The following MGAT4C variants were observed in gnomAD, a reference collection of about 807,000 sequenced individuals.
MGAT4C encodes alpha-1,3-mannosyl-glycoprotein 4-beta-N-acetylglucosaminyltransferase C.
In MGAT4C, 19 loss-of-function variants were observed where a neutral mutation model predicts 40.1. The observed-to-expected ratio is 0.47, with a 90% CI of 0.33 to 0.70. The LOEUF is 0.70. Ranked by LOEUF, MGAT4C falls within the 30% of genes least tolerant of loss-of-function variation. The pLI is 0.02. For synonymous variants in MGAT4C, 181 were observed against 187.1 expected (o/e 0.97, Z 0.27); for missense variants, 491 against 563.2 (o/e 0.87, Z 1.30).
intron 1 of MGAT4C, among the ~76,000 whole-genome samples, chr12:86,127,184 C>CA (rs1880424070): frequency 6.6e-6 from 1 of 152,158 alleles, no homozygotes; most frequent in Admixed American, 6.5e-5. Flanking sequence ...TAGCCCACTA[C>CA]ATACCTAGGC....
At chr12:86,242,222 G>C (rs1354827052) in intron 1 of MGAT4C, among the ~76,000 whole-genome samples, 1 of 152,142 alleles carries the variant, frequency 6.6e-6, no homozygotes, top group Non-Finnish European at 1.5e-5. Context: ...TGATTATAGA[G>C]CTGCACCCAT....
At chr12:86,690,230 G>A (rs1265484485) in intron 2 of MGAT4C, among the ~76,000 whole-genome samples, 1 of 152,202 alleles carries the variant, frequency 6.6e-6, no homozygotes, top group Admixed American at 6.5e-5. Flanking sequence ...TTTCAAGCCA[G>A]TAGATCTTAG....
At chr12:86,163,441 C>T (rs1053324095) in intron 1 of MGAT4C, among the ~76,000 whole-genome samples, 1 of 152,146 alleles carries the variant, frequency 6.6e-6, no homozygotes, top group Non-Finnish European at 1.5e-5. Flanking sequence ...ATGTTCCCAC[C>T]TCAGCCTCCA....
chr12:86,130,211 C>T (rs1386238418), intron 1 of MGAT4C, among the ~76,000 whole-genome samples: 1 of 151,960 alleles, frequency 6.6e-6, no homozygotes, highest in Non-Finnish European at 1.5e-5. Context: ...TAAATTTAGT[C>T]TTATAAAAGA....
chr12:86,783,724 C>G (rs1209357347), intron 1 of MGAT4C, among the ~76,000 whole-genome samples: 1 of 151,996 alleles, frequency 6.6e-6, no homozygotes, highest in Non-Finnish European at 1.5e-5. Context: ...ATAATAGGAC[C>G]AAATTTCATA....
At chr12:86,546,981 T>G (rs1400605833) in intron 2 of MGAT4C, among the ~76,000 whole-genome samples, 1 of 151,870 alleles carries the variant, frequency 6.6e-6, no homozygotes, top group Non-Finnish European at 1.5e-5. Flanking sequence ...TTTTAATAAA[T>G]AAAAAGAATT....
chr12:86,555,846 C>A (rs914321379), intron 2 of MGAT4C, among the ~76,000 whole-genome samples: 1 of 152,152 alleles, frequency 6.6e-6, no homozygotes, highest in African/African-American at 2.4e-5. Flanking sequence ...GCCCCCTGGA[C>A]CTGCTTTTCT....
At chr12:86,654,574 T>C (rs1324123645) in intron 2 of MGAT4C, among the ~76,000 whole-genome samples, 1 of 152,002 alleles carries the variant, frequency 6.6e-6, no homozygotes, top group Non-Finnish European at 1.5e-5. Context: ...CAAGTTAGTG[T>C]GTTTAATATC....
intron 1 of MGAT4C, among the ~76,000 whole-genome samples, chr12:86,773,322 G>A (rs749428176): frequency 5.9e-5 from 9 of 152,230 alleles, no homozygotes; most frequent in Non-Finnish European, 1.2e-4. Context: ...AACACAGGGA[G>A]AAGATAGCCA....
At chr12:86,586,891 A>G (rs1411864803) in intron 2 of MGAT4C, among the ~76,000 whole-genome samples, 2 of 151,812 alleles carry the variant, frequency 1.3e-5, no homozygotes, top group African/African-American at 4.8e-5. Flanking sequence ...ATTTTCTCCC[A>G]TTTTGTGGGT....
At chr12:86,616,622 A>G (rs1962458035) in intron 2 of MGAT4C, among the ~76,000 whole-genome samples, 1 of 152,146 alleles carries the variant, frequency 6.6e-6, no homozygotes, top group African/African-American at 2.4e-5. Context: ...TCAACATTTT[A>G]CACAGTACAT....
chr12:86,767,244 C>A lies in MGAT4C; in HGVS notation c.-261-40003G>T, dbSNP rs539466900. Among the ~76,000 whole-genome samples the A allele has an allele frequency of 5.4e-3, 825 of 152,300 alleles. 3 individuals carry two copies. The highest frequency in any genetic ancestry group is 8.7e-3 in the Non-Finnish European group (590 of 68,018). On this transcript the variant is annotated intron_variant, in intron 1 of 7. Coordinates refer to the MGAT4C transcript ENST00000548651. ...AGAGAATACTACAAACACCTCTACA[C>A]AAATAAACTAGAAAATCTAGAAGAA...
rs1289930217 is a variant in MGAT4C, at chr12:85,960,879, AT to A, written c.*18409del. ...ATACTGAGCCTGTAAATATTTATTTATATGATGTTTGGCACTTTATTTTATA... is the reference window on the plus strand; with the variant it reads ...ATACTGAGCCTGTAAATATTTATTTAATGATGTTTGGCACTTTATTTTATA... On this transcript the variant is annotated 3_prime_UTR_variant, in exon 5 of 5. Transcript: ENST00000611864. 3 of 151,984 alleles carry A rather than the reference AT, an allele frequency of 2.0e-5. No individual in the cohort carries two copies. Among genetic ancestry groups the A allele is most frequent in the Non-Finnish European group, 4.4e-5 (3 of 67,860 alleles). 9.4% of individuals were successfully genotyped at this position (151,984 alleles called of 1,614,324 possible).
chr12:86,438,926 G>T (rs1313617699), intron 2 of MGAT4C, among the ~76,000 whole-genome samples: 1 of 151,750 alleles, frequency 6.6e-6, no homozygotes, highest in Non-Finnish European at 1.5e-5. Context: ...CCAACAAAAA[G>T]ATGTTATAAG....
At chr12:86,343,593 T>TA (rs1259020304) in intron 3 of MGAT4C, among the ~76,000 whole-genome samples, 1 of 152,138 alleles carries the variant, frequency 6.6e-6, no homozygotes, top group East Asian at 1.9e-4. Context: ...TTCAAAACAT[T>TA]AAAAAATTGA....
At chr12:86,402,341 C>G (rs1471221437) in intron 3 of MGAT4C, among the ~76,000 whole-genome samples, 1 of 152,106 alleles carries the variant, frequency 6.6e-6, no homozygotes, top group Non-Finnish European at 1.5e-5. Context: ...AGGATAATTA[C>G]TTGAACCCAG....
chr12:86,199,130 C>T (rs943690100), intron 1 of MGAT4C, among the ~76,000 whole-genome samples: 2 of 152,140 alleles, frequency 1.3e-5, no homozygotes, highest in African/African-American at 4.8e-5. Flanking sequence ...GCTACTGCTG[C>T]TGCTGCTGCT....
At chr12:86,046,265 T>G (rs1387535337) in intron 2 of MGAT4C, among the ~76,000 whole-genome samples, 1 of 152,130 alleles carries the variant, frequency 6.6e-6, no homozygotes, top group East Asian at 1.9e-4. Context: ...ACTCATGAGT[T>G]CAAGCTGACT....
Position 86,393,304 on chromosome 12 carries a change from T to C in MGAT4C, c.-120+41853A>G, listed in dbSNP as rs551872330. On this transcript the variant is annotated intron_variant, in intron 3 of 7. Coordinates refer to the MGAT4C transcript ENST00000548651. Reference sequence around the variant, plus strand: ...CTACAGCATTTGATTTGTATCACTTTCTTAATTACAGCATGTCTAATCCAC... The same window carrying C: ...CTACAGCATTTGATTTGTATCACTTCCTTAATTACAGCATGTCTAATCCAC... 5.3e-5 allele frequency among the ~76,000 whole-genome samples: 8 copies of C among 152,286 alleles called. No individual in the cohort carries two copies. The South Asian group carries it at 1.7e-3, about 32-fold the overall frequency.
Sources: gnomAD v4.1 joint callset for allele counts (sites outside exome capture counted in the v4.1 genomes callset) on GRCh38, gnomAD v4.1.1 for gene constraint, MANE v1.5 for transcripts, NCBI Gene and HGNC (gene_info 2026-07-23, HGNC 2026-07-21) for gene names.